DMD: variants seen among roughly 807,000 people sequenced by gnomAD.
DMD encodes the protein dystrophin.
DMD carries 63 observed loss-of-function variants against 330.1 expected under a neutral mutation model. That is an observed-to-expected ratio of 0.19 (90% CI 0.16 to 0.24). The LOEUF (loss-of-function observed/expected upper bound fraction) is 0.24, where lower values mean the gene tolerates loss of function less well. DMD is among the 10% of genes least tolerant of loss of function. The pLI is 1.00. For synonymous variants in DMD, 1,223 were observed against 959.8 expected, an observed-to-expected ratio of 1.27 and a Z score of -5.07; for missense variants, 3,344 against 2,684.1, an observed-to-expected ratio of 1.25 and a Z score of -5.43.
intron 74 of DMD, among the ~76,000 whole-genome samples, chrX:31,154,387 CT>C (rs1184673126): frequency 9.1e-6 from 1 of 109,910 alleles, no homozygotes; most frequent in African/African-American, 3.3e-5. Flanking sequence ...GCTCTGCCTC[CT>C]GGGTTCACAT....
intron 34 of DMD, among the ~76,000 whole-genome samples, chrX:32,374,860 C>T (rs1193380377): frequency 1.8e-5 from 2 of 111,405 alleles, no homozygotes. Flanking sequence ...ACATGTAACC[C>T]CTGAATCTAA....
intron 44 of DMD, among the ~76,000 whole-genome samples, chrX:31,993,574 G>C (rs2095564693): frequency 9.0e-6 from 1 of 111,488 alleles, no homozygotes; most frequent in South Asian, 3.8e-4. Context: ...AATTCTCTGT[G>C]GCCTTTTGAG....
intron 50 of DMD, 74 bp downstream of exon 50, chrX:31,819,901 C>G: frequency 1.2e-6 from 1 of 839,950 alleles, no homozygotes; most frequent in Non-Finnish European, 1.8e-6. Context: ...TTCTCTCTCA[C>G]CCAGTCATCA....
chrX:32,440,687 T>G (rs1160706090), intron 28 of DMD, among the ~76,000 whole-genome samples: 2 of 111,805 alleles, frequency 1.8e-5, no homozygotes, highest in Non-Finnish European at 3.8e-5. Context: ...GTACTTACAT[T>G]TTATGAATAC....
intron 11 of DMD, among the ~76,000 whole-genome samples, chrX:32,633,644 G>A (rs2058895139): frequency 1.8e-5 from 2 of 111,976 alleles, no homozygotes; most frequent in Non-Finnish European, 3.8e-5. Flanking sequence ...CTGAGACTGA[G>A]TAATTTATAA....
chrX:32,632,769 G>C (rs770495005), intron 11 of DMD, among the ~76,000 whole-genome samples: 9 of 111,904 alleles, frequency 8.0e-5, no homozygotes, highest in African/African-American at 2.9e-4. Flanking sequence ...CAGTGTACGA[G>C]GTTGAACAGG....
chrX:32,318,828 T>C (rs189143391), intron 41 of DMD, among the ~76,000 whole-genome samples: 1,579 of 111,766 alleles, frequency 0.014, 79 homozygotes, highest in Admixed American at 0.12. Flanking sequence ...GGGCAGGCTG[T>C]CAGCGAAAAA....
intron 60 of DMD, among the ~76,000 whole-genome samples, chrX:31,354,336 T>A (rs146168255): frequency 0.014 from 1,551 of 111,322 alleles, 34 homozygotes; most frequent in African/African-American, 0.049. Context: ...TCAAGATCCC[T>A]GACACAAGCT....
intron 1 of DMD, among the ~76,000 whole-genome samples, chrX:33,067,238 G>C (rs2094678217): frequency 8.9e-6 from 1 of 112,086 alleles, no homozygotes; most frequent in African/African-American, 3.2e-5. Flanking sequence ...ATGGAAATAG[G>C]GTTGTTGAAA....
At chrX:32,632,869 T>C (rs1199725824) in intron 11 of DMD, among the ~76,000 whole-genome samples, 1 of 112,700 alleles carries the variant, frequency 8.9e-6, no homozygotes, top group Non-Finnish European at 1.9e-5. Context: ...TTTAGATCTC[T>C]GAAATGCCTT....
At chrX:31,734,304 T>A (rs917596759) in intron 51 of DMD, among the ~76,000 whole-genome samples, 2 of 110,842 alleles carry the variant, frequency 1.8e-5, no homozygotes, top group African/African-American at 3.3e-5. Flanking sequence ...TTTTATTTCT[T>A]AATAGCAAAG....
intron 2 of DMD, among the ~76,000 whole-genome samples, chrX:32,850,505 G>C (rs1025517414): frequency 9.0e-6 from 1 of 111,598 alleles, no homozygotes; most frequent in Admixed American, 9.5e-5. Context: ...TTTCATAACC[G>C]TTGTGGCATT....
At chrX:31,735,904 T>A (rs2086838951) in intron 51 of DMD, among the ~76,000 whole-genome samples, 1 of 112,111 alleles carries the variant, frequency 8.9e-6, no homozygotes, top group Non-Finnish European at 1.9e-5. Flanking sequence ...GACCAGCTTC[T>A]TGAACGTATA....
At chrX:32,493,060 C>A (rs1373212976) in intron 19 of DMD, among the ~76,000 whole-genome samples, 3 of 111,840 alleles carry the variant, frequency 2.7e-5, no homozygotes, top group Non-Finnish European at 1.9e-5. Flanking sequence ...GTCTGAAGAA[C>A]GTCTCTAGAA....
At chrX:31,282,082 A>T (rs948319024) in intron 62 of DMD, among the ~76,000 whole-genome samples, 2 of 111,832 alleles carry the variant, frequency 1.8e-5, no homozygotes, top group African/African-American at 6.5e-5. Context: ...TTGGTGAACA[A>T]ACGAGATAAC....
At chrX:32,655,570 A>G (rs1004693892) in intron 9 of DMD, among the ~76,000 whole-genome samples, 3 of 111,637 alleles carry the variant, frequency 2.7e-5, no homozygotes, top group South Asian at 3.8e-4. Flanking sequence ...TATGTGGTCA[A>G]TTTTGGAATA....
chrX:32,459,281 A>T (rs185553908), intron 25 of DMD, among the ~76,000 whole-genome samples: 1 of 110,908 alleles, frequency 9.0e-6, no homozygotes, highest in African/African-American at 3.3e-5. Context: ...TCCCCAAACT[A>T]ATCAAGTTGT....
chrX:33,317,790 C>T (rs1287962902), intron 1 of DMD, among the ~76,000 whole-genome samples: 3 of 111,314 alleles, frequency 2.7e-5, no homozygotes, highest in African/African-American at 9.8e-5. Flanking sequence ...CTAGTTTCAG[C>T]CAAATTTATT....
intron 2 of DMD, among the ~76,000 whole-genome samples, chrX:32,853,164 G>A (rs2081271303): frequency 3.6e-5 from 4 of 112,023 alleles, no homozygotes; most frequent in African/African-American, 1.3e-4. Context: ...CAAGACAGAA[G>A]CTGTGGGATT....
Sources: gnomAD v4.1 joint callset for allele counts (sites outside exome capture counted in the v4.1 genomes callset) on GRCh38, gnomAD v4.1.1 for gene constraint, MANE v1.5 for transcripts, NCBI Gene and HGNC (gene_info 2026-07-23, HGNC 2026-07-21) for gene names.